The following CPA6 variants were observed in gnomAD, a reference collection of about 807,000 sequenced individuals.
CPA6 encodes the protein carboxypeptidase B.
Under a neutral mutation model 63.3 loss-of-function variants are expected in CPA6, and 58 were observed. The ratio of observed to expected loss-of-function variants is 0.92; its 90% confidence interval spans 0.74 to 1.14. The LOEUF (loss-of-function observed/expected upper bound fraction) is 1.14. Among genes scored for constraint, CPA6 ranks in the 50% most tolerant of loss-of-function variants. The pLI is 0.00. For synonymous variants in CPA6, 185 were observed against 179.0 expected (o/e 1.03, Z -0.27); for missense variants, 565 against 526.6 (o/e 1.07, Z -0.71).
chr8:67,731,751 A>G (rs568168343), intron 1 of CPA6, among the ~76,000 whole-genome samples: 31 of 152,360 alleles, frequency 2.0e-4, no homozygotes, highest in African/African-American at 7.0e-4. Flanking sequence ...TTCTTATTGA[A>G]TCACGGCACC....
chr8:67,694,415 A>G (rs972603853), intron 1 of CPA6, among the ~76,000 whole-genome samples: 28 of 152,238 alleles, frequency 1.8e-4, no homozygotes, highest in African/African-American at 6.8e-4. Context: ...CCCATGTGCC[A>G]CCAAGTTACC....
At chr8:67,574,240 T>C (rs1813564339) in intron 2 of CPA6, among the ~76,000 whole-genome samples, 1 of 151,566 alleles carries the variant, frequency 6.6e-6, no homozygotes, top group African/African-American at 2.4e-5. Flanking sequence ...TAGCTGGGCA[T>C]GGTGGCACGA....
chr8:67,738,237 C>A (rs919995900), intron 1 of CPA6, among the ~76,000 whole-genome samples: 4 of 152,324 alleles, frequency 2.6e-5, no homozygotes, highest in Admixed American at 6.5e-5. Context: ...CACAGCCTCC[C>A]TTGCAGCTAG....
chr8:67,498,643 A>G (rs1587494928), intron 6 of CPA6, among the ~76,000 whole-genome samples: 3 of 151,972 alleles, frequency 2.0e-5, no homozygotes, highest in Admixed American at 6.6e-5. Flanking sequence ...ACATTTCAAC[A>G]GTAAGTCCAG....
rs745488526 is a variant in CPA6, at chr8:67,509,500, C to A, written c.534+17G>T. The A allele has an allele frequency of 1.8e-6, 2 of 1,136,802 alleles. No individual in the cohort carries two copies. Among genetic ancestry groups the A allele is most frequent in the Non-Finnish European group, 2.6e-6 (2 of 759,672 alleles). The allele number at this position is 1,136,802 out of a possible 1,614,324, so 70.4% of individuals were successfully genotyped here. Reference sequence around the variant, plus strand: ...TGGTAAACATTATGTATTTACACAGCAATTGCTTATTTTTACCTTTAAAAT... The same window carrying A: ...TGGTAAACATTATGTATTTACACAGAAATTGCTTATTTTTACCTTTAAAAT... On this transcript the variant is annotated intron_variant, in intron 5 of 10. Transcript: ENST00000297770.
At chr8:67,475,841 T>G (rs1403879528) in intron 8 of CPA6, among the ~76,000 whole-genome samples, 12 of 92,922 alleles carry the variant, frequency 1.3e-4, no homozygotes, top group Admixed American at 4.7e-4. Context: ...CTTTCTTTCT[T>G]TCTTTCTTTC....
At chr8:67,696,949 C>T (rs1563397346) in intron 1 of CPA6, among the ~76,000 whole-genome samples, 1 of 152,180 alleles carries the variant, frequency 6.6e-6, no homozygotes, top group Non-Finnish European at 1.5e-5. Flanking sequence ...ATTCGTCTAG[C>T]TCATTGAACT....
chr8:67,720,130 C>T (rs1267998505), intron 1 of CPA6, among the ~76,000 whole-genome samples: 1 of 151,042 alleles, frequency 6.6e-6, no homozygotes, highest in African/African-American at 2.4e-5. Context: ...AAATTACAGT[C>T]AAAGGGGGTT....
At chr8:67,494,875 C>T (rs1811676528) in intron 6 of CPA6, among the ~76,000 whole-genome samples, 1 of 152,140 alleles carries the variant, frequency 6.6e-6, no homozygotes, top group Non-Finnish European at 1.5e-5. Flanking sequence ...GGAATTTATT[C>T]TTGGTTGTCT....
chr8:67,607,251 T>TCTTCTTCTCCTCCTC (rs1554679725), intron 2 of CPA6, among the ~76,000 whole-genome samples: 7 of 81,126 alleles, frequency 8.6e-5, no homozygotes, highest in African/African-American at 2.0e-4. Flanking sequence ...TTCTTCTTCT[T>TCTTCTTCTCCTCCTC]CTCCTCCTCC....
intron 2 of CPA6, among the ~76,000 whole-genome samples, chr8:67,523,341 A>T (rs1023930715): frequency 2.3e-4 from 35 of 152,216 alleles, no homozygotes; most frequent in African/African-American, 8.2e-4. Context: ...ATCCTGGCTA[A>T]AACAGTGAAA....
At chr8:67,566,039 A>G (rs181270662) in intron 2 of CPA6, among the ~76,000 whole-genome samples, 4 of 152,276 alleles carry the variant, frequency 2.6e-5, no homozygotes, top group Non-Finnish European at 4.4e-5. Context: ...CCAGACACTC[A>G]AATGGTTTCT....
chr8:67,738,888 C>G (rs555743443), intron 1 of CPA6, among the ~76,000 whole-genome samples: 42 of 152,310 alleles, frequency 2.8e-4, no homozygotes, highest in African/African-American at 9.6e-4. Context: ...AACTCTAAAA[C>G]AAGTCACCAA....
rs1818010456 is a variant in CPA6 at position 67,746,279 on chromosome 8, G to A, written c.-150C>T. The A allele has an allele frequency of 4.0e-6, 2 of 497,312 alleles. No individual in the cohort carries two copies. The highest frequency in any genetic ancestry group is 3.6e-6 in the Non-Finnish European group (1 of 274,676). The allele number at this position is 497,312 out of a possible 1,614,324, so 30.8% of individuals were successfully genotyped here. On this transcript the variant is annotated 5_prime_UTR_variant, in exon 1 of 11. Coordinates refer to ENST00000297770, the MANE Select transcript of CPA6 (RefSeq NM_020361.5). ...GAGCAAAATGTGACACTTCTCTCCAGCTACAAGGGAAAAAAAAAGTTCAGG... is the reference window on the plus strand; with the variant it reads ...GAGCAAAATGTGACACTTCTCTCCAACTACAAGGGAAAAAAAAAGTTCAGG...
intron 3 of CPA6, among the ~76,000 whole-genome samples, chr8:67,515,580 A>T (rs1427349451): frequency 6.6e-6 from 1 of 152,180 alleles, no homozygotes; most frequent in African/African-American, 2.4e-5. Context: ...GGGAAAGCTC[A>T]TCCTCTCTGC....
intron 1 of CPA6, among the ~76,000 whole-genome samples, chr8:67,675,821 G>A (rs1277427685): frequency 1.3e-5 from 2 of 152,188 alleles, no homozygotes; most frequent in Admixed American, 1.3e-4. Flanking sequence ...GGAGGATAAT[G>A]AGGAGCTCAT....
Position 67,476,160 on chromosome 8 carries a change from A to T in CPA6, c.838+7608T>A, listed in dbSNP as rs149508212. On this transcript the variant is annotated intron_variant, in intron 8 of 10. Transcript: ENST00000297770. ...TGGGATTATAGACATGTGTCATCACACCTGGCTAATTTTCATATTTTTAGT... is the reference window on the plus strand; with the variant it reads ...TGGGATTATAGACATGTGTCATCACTCCTGGCTAATTTTCATATTTTTAGT... Among the ~76,000 whole-genome samples, 930 of 151,678 alleles carry T rather than the reference A, an allele frequency of 6.1e-3. 9 individuals carry two copies. The highest frequency in any genetic ancestry group is 0.017 in the Middle Eastern group (5 of 294).
intron 1 of CPA6, among the ~76,000 whole-genome samples, chr8:67,736,746 C>G (rs1248557665): frequency 1.3e-5 from 2 of 152,194 alleles, no homozygotes; most frequent in East Asian, 1.9e-4. Context: ...AGAGGTCTCT[C>G]TTGAGCTTCA....
At chr8:67,607,251 T>TCTTCTTCTTCTTCTCCTC (rs1554679725) in intron 2 of CPA6, among the ~76,000 whole-genome samples, 1 of 81,092 alleles carries the variant, frequency 1.2e-5, no homozygotes, top group Non-Finnish European at 2.3e-5. Flanking sequence ...TTCTTCTTCT[T>TCTTCTTCTTCTTCTCCTC]CTCCTCCTCC....
Sources: allele counts gnomAD v4.1 joint callset (sites outside exome capture counted in the v4.1 genomes callset), GRCh38; gene constraint gnomAD v4.1.1; transcripts MANE v1.5; gene names NCBI Gene and HGNC (gene_info 2026-07-23, HGNC 2026-07-21).